The following TTLL9 variants were observed in gnomAD, a reference collection of about 807,000 sequenced individuals.
TTLL9 encodes probable tubulin polyglutamylase TTLL9.
A neutral mutation model predicts 65.6 loss-of-function variants in TTLL9; 47 were observed. That is an observed-to-expected ratio of 0.72 (90% CI 0.57 to 0.91). The LOEUF is 0.91. TTLL9 is among the 40% of genes least tolerant of loss of function. The pLI is 0.00. For synonymous variants in TTLL9, 179 were observed against 204.8 expected (o/e 0.87, Z 1.07); for missense variants, 537 against 568.8 (o/e 0.94, Z 0.57).
intron 4 of TTLL9, among the ~76,000 whole-genome samples, chr20:31,904,350 C>CTT (rs71185374): frequency 0.026 from 2,156 of 81,768 alleles, 10 homozygotes; most frequent in Non-Finnish European, 0.03. Flanking sequence ...TTTGATAATT[C>CTT]TTTTTTTTTT....
intron 4 of TTLL9, among the ~76,000 whole-genome samples, chr20:31,904,871 C>T (rs1242076441): frequency 1.3e-5 from 2 of 152,110 alleles, no homozygotes. Flanking sequence ...CAATAGGAAG[C>T]TGAGGCCCAG....
At chr20:31,871,314 C>T in intron 2 of TTLL9, 119 bp downstream of exon 2, 1 of 992,978 alleles carries the variant, frequency 1.0e-6, no homozygotes, top group South Asian at 1.4e-5. Context: ...GTTTGAGGCC[C>T]TGTTCACCTC....
At chr20:31,873,858 A>G (rs891326852) in intron 2 of TTLL9, among the ~76,000 whole-genome samples, 2 of 150,102 alleles carry the variant, frequency 1.3e-5, no homozygotes, top group Non-Finnish European at 3.0e-5. Context: ...GAAAGAAAGA[A>G]AGAAAGAAAG....
chr20:31,937,957 A>G (rs1293930331), intron 13 of TTLL9, among the ~76,000 whole-genome samples: 1 of 151,842 alleles, frequency 6.6e-6, no homozygotes, highest in African/African-American at 2.4e-5. Context: ...CAGAAAAAAA[A>G]AAAAACCCAG....
intron 2 of TTLL9, among the ~76,000 whole-genome samples, chr20:31,880,515 A>T (rs946207000): frequency 6.6e-6 from 1 of 150,718 alleles, no homozygotes; most frequent in Non-Finnish European, 1.5e-5. Context: ...TTTTTTTGAG[A>T]CGGAGTCTCA....
intron 5 of TTLL9, among the ~76,000 whole-genome samples, 172 bp downstream of exon 5, chr20:31,908,874 G>C (rs1386561447): frequency 6.6e-6 from 1 of 152,156 alleles, no homozygotes; most frequent in Non-Finnish European, 1.5e-5. Context: ...AGGGTATAGG[G>C]ATCCAAGGCC....
intron 3 of TTLL9, among the ~76,000 whole-genome samples, chr20:31,889,814 C>A (rs2063258864): frequency 6.6e-6 from 1 of 151,550 alleles, no homozygotes; most frequent in Non-Finnish European, 1.5e-5. Flanking sequence ...AAGTGATCAT[C>A]CCACCTCGGC....
rs1349848142 is a variant in TTLL9, at chr20:31,943,213, T to A, written c.*192T>A. 6.5e-6 allele frequency: 4 copies of A among 613,596 alleles called. No individual in the cohort carries two copies. The East Asian group carries it at 8.3e-5, about 13-fold the overall frequency. The allele number at this position is 613,596 out of a possible 1,614,324, so 38.0% of individuals were successfully genotyped here. A position where few individuals can be genotyped will look rare whatever the true frequency, so the allele number is the denominator to read the frequency against. ...GATACCTCCAGCCCATCCCCAGGCA[T>A]CTTTGCACCAGGAGACAGCCAATCA... On this transcript the variant is annotated 3_prime_UTR_variant, in exon 15 of 15. Transcript: ENST00000535842.
chr20:31,875,797 T>C (rs2063030891), intron 2 of TTLL9, among the ~76,000 whole-genome samples: 1 of 152,194 alleles, frequency 6.6e-6, no homozygotes, highest in Non-Finnish European at 1.5e-5. Context: ...AAAAACATTC[T>C]AAATAAACTT....
intron 5 of TTLL9, among the ~76,000 whole-genome samples, chr20:31,909,000 A>G (rs1162124094): frequency 6.6e-6 from 1 of 151,978 alleles, no homozygotes; most frequent in Non-Finnish European, 1.5e-5. Context: ...TGGTGATTTC[A>G]GGGTGGAGGC....
At chr20:31,882,663 G>T (rs1391798255) in intron 2 of TTLL9, among the ~76,000 whole-genome samples, 1 of 152,058 alleles carries the variant, frequency 6.6e-6, no homozygotes, top group African/African-American at 2.4e-5. Flanking sequence ...TTTTCTAAAT[G>T]CATTATTTTA....
At chr20:31,934,990 C>T (rs1411381420) in intron 12 of TTLL9, 102 bp downstream of exon 12, 2 of 1,133,244 alleles carry the variant, frequency 1.8e-6, no homozygotes, top group Non-Finnish European at 2.6e-6. Context: ...AGTTGTATAA[C>T]CTTGTGCACA....
rs2064132826 is a variant in TTLL9 at position 31,937,499 on chromosome 20, A to G, written c.1108A>G (p.Met370Val). ...GGAAGACACCCTGCATGTTGTGGAC[A>G]TGGAAGCGAGGTGAGGGAGGGCAGC... ...LLEDTLHVVD[M>V]EARLTGREKR... is the part of the protein sequence containing the mutation. The change falls in exon 13 of 15, where the codon ATG becomes GTG. Residue 370 changes from methionine (M) to valine (V), a missense_variant. Physicochemically the swap from Met to Val is conservative, Grantham distance 21. Transcript: ENST00000535842. The G allele has an allele frequency of 1.2e-6, 2 of 1,613,338 alleles. No homozygotes were observed. The highest frequency in any genetic ancestry group is 1.7e-6 in the Non-Finnish European group (2 of 1,179,534).
At chr20:31,920,922 G>C (rs1444723032) in intron 7 of TTLL9, among the ~76,000 whole-genome samples, 6 of 152,234 alleles carry the variant, frequency 3.9e-5, no homozygotes, top group Non-Finnish European at 7.3e-5. Flanking sequence ...AGGTGGGAGA[G>C]GTGTTTGCAA....
intron 2 of TTLL9, among the ~76,000 whole-genome samples, chr20:31,873,852 GAAAGAAAGAAAGAAAGAA>G (rs2062999167): frequency 6.7e-6 from 1 of 148,872 alleles, no homozygotes; most frequent in South Asian, 2.1e-4. Flanking sequence ...AAGAAAGAAA[GAAAGAAAGAAAGAAAGAA>G]AGAAAGAAAG....
At chr20:31,894,271 T>C in intron 3 of TTLL9, among the ~76,000 whole-genome samples, 1 of 151,884 alleles carries the variant, frequency 6.6e-6, no homozygotes, top group Admixed American at 6.6e-5. Context: ...GCCTGGCTAA[T>C]TTTAAAACTT....
chr20:31,922,831 A>G, intron 7 of TTLL9, 132 bp from the exon 8 acceptor site: 1 of 657,236 alleles, frequency 1.5e-6, no homozygotes. Flanking sequence ...AAATGGAAAT[A>G]ACATTAGTAC....
intron 4 of TTLL9, among the ~76,000 whole-genome samples, chr20:31,899,824 G>A (rs2123469223): frequency 6.6e-6 from 1 of 152,016 alleles, no homozygotes; most frequent in East Asian, 1.9e-4. Flanking sequence ...GAGTGCAGTG[G>A]CACAATCTCG....
intron 14 of TTLL9, chr20:31,939,521 T>C (rs2064171905): frequency 9.1e-6 from 3 of 328,748 alleles, no homozygotes; most frequent in Non-Finnish European, 1.7e-5. Flanking sequence ...GAGAAAGAAA[T>C]AAAAACATCC....
Sources: allele counts gnomAD v4.1 joint callset (sites outside exome capture counted in the v4.1 genomes callset), GRCh38; gene constraint gnomAD v4.1.1; transcripts MANE v1.5; gene names NCBI Gene and HGNC (gene_info 2026-07-23, HGNC 2026-07-21).